PTPRK: variants seen among roughly 807,000 people sequenced by gnomAD.
The protein encoded by PTPRK is receptor-type tyrosine-protein phosphatase kappa.
A neutral mutation model predicts 178.0 loss-of-function variants in PTPRK; 75 were observed. That is an observed-to-expected ratio of 0.42 (90% CI 0.35 to 0.51). PTPRK has a LOEUF of 0.51. PTPRK is among the 20% of genes least tolerant of loss of function. PTPRK has a pLI of 0.02. For synonymous variants in PTPRK, 637 were observed against 620.6 expected (o/e 1.03, Z -0.39); for missense variants, 1,441 against 1,797.8 (o/e 0.80, Z 3.59).
intron 3 of PTPRK, among the ~76,000 whole-genome samples, chr6:128,299,085 C>T (rs1002261474): frequency 6.6e-6 from 1 of 152,072 alleles, no homozygotes; most frequent in African/African-American, 2.4e-5. Flanking sequence ...AACAGACAAA[C>T]AGAGAGCCAA....
intron 6 of PTPRK, among the ~76,000 whole-genome samples, chr6:128,197,209 ATTTAC>A (rs1233002724): frequency 2.0e-5 from 3 of 150,574 alleles, no homozygotes; most frequent in African/African-American, 4.9e-5. Context: ...GGCTTAAAAA[ATTTAC>A]TTTAAGTTCA....
intron 7 of PTPRK, among the ~76,000 whole-genome samples, chr6:128,161,564 G>A (rs1049939379): frequency 2.6e-5 from 4 of 151,524 alleles, no homozygotes; most frequent in Non-Finnish European, 4.4e-5. Flanking sequence ...CAAGCCAATT[G>A]CTTCTATTTC....
intron 2 of PTPRK, among the ~76,000 whole-genome samples, chr6:128,360,288 T>A (rs967180297): frequency 3.9e-5 from 6 of 151,990 alleles, no homozygotes; most frequent in African/African-American, 1.4e-4. Context: ...GCCAGAGTAC[T>A]AAAACCTTGA....
chr6:128,464,650 T>TATATATATAC (rs1554271905), intron 1 of PTPRK, among the ~76,000 whole-genome samples: 2 of 96,296 alleles, frequency 2.1e-5, no homozygotes, highest in Non-Finnish European at 2.0e-5. Context: ...TATATATATA[T>TATATATATAC]ATATATATAT....
intron 13 of PTPRK, among the ~76,000 whole-genome samples, chr6:128,046,695 C>T (rs1285436429): frequency 2.0e-5 from 3 of 151,914 alleles, no homozygotes; most frequent in Non-Finnish European, 4.4e-5. Flanking sequence ...TTTTTAAACC[C>T]TTGCTTTTAA....
chr6:128,384,352 C>G (rs1372902993), intron 2 of PTPRK, among the ~76,000 whole-genome samples: 3 of 151,734 alleles, frequency 2.0e-5, no homozygotes, highest in African/African-American at 7.2e-5. Context: ...ATAGAGATAT[C>G]TCGCAATACA....
At chr6:128,420,058 C>G (rs1198693567) in intron 1 of PTPRK, among the ~76,000 whole-genome samples, 1 of 152,146 alleles carries the variant, frequency 6.6e-6, no homozygotes, top group African/African-American at 2.4e-5. Flanking sequence ...TGTATAAGAT[C>G]TACTATATTG....
intron 7 of PTPRK, among the ~76,000 whole-genome samples, chr6:128,107,496 G>A (rs1030811516): frequency 2.6e-5 from 4 of 152,138 alleles, no homozygotes; most frequent in Admixed American, 2.6e-4. Flanking sequence ...GCCCAAAGCT[G>A]TATAATGTAA....
chr6:128,184,686 A>T lies in PTPRK; in HGVS notation c.908T>A (p.Val303Asp). 6.2e-7 allele frequency: 1 copy of T among 1,614,020 alleles called. No individual in the cohort carries two copies. Among genetic ancestry groups the T allele is most frequent in the Non-Finnish European group, 8.5e-7 (1 of 1,179,960 alleles). Residue 303 changes from valine to aspartate, a missense_variant, in exon 7 of 30, where the codon GTT becomes GAT. By Grantham distance (152) the Val-to-Asp change is radical (BLOSUM62 -3). Transcript: ENST00000368226. The part of the protein sequence containing the change: ...RPIAPPQLLG[V>D]GPTYLLIQLN... ...TTGGATCAGCAAATATGTAGGCCCAACACCAAGAAGCTGAGGAGGAGCAAT... is the reference window on the plus strand; with the variant it reads ...TTGGATCAGCAAATATGTAGGCCCATCACCAAGAAGCTGAGGAGGAGCAAT...
intron 14 of PTPRK, 87 bp downstream of exon 14, chr6:128,009,043 T>A (rs1350352658): frequency 7.9e-7 from 1 of 1,265,756 alleles, no homozygotes; most frequent in African/African-American, 1.5e-5. Flanking sequence ...TTGTTTGTTC[T>A]AATTTAAAGG....
At chr6:128,471,370 G>A (rs1008963871) in intron 1 of PTPRK, among the ~76,000 whole-genome samples, 3 of 151,610 alleles carry the variant, frequency 2.0e-5, no homozygotes, top group Non-Finnish European at 4.4e-5. Context: ...TGAATGGGGG[G>A]GAAAAGTGAA....
At chr6:128,175,427 G>T (rs563990114) in intron 7 of PTPRK, among the ~76,000 whole-genome samples, 2 of 151,818 alleles carry the variant, frequency 1.3e-5, no homozygotes, top group South Asian at 4.2e-4. Context: ...CTTTTACAAT[G>T]GCCAATAGCG....
intron 13 of PTPRK, among the ~76,000 whole-genome samples, chr6:128,031,168 A>G (rs999705234): frequency 6.6e-6 from 1 of 152,204 alleles, no homozygotes; most frequent in African/African-American, 2.4e-5. Context: ...ACAGCCTTGA[A>G]TGCTCTGACT....
chr6:128,104,127 T>C (rs188888752), intron 7 of PTPRK, among the ~76,000 whole-genome samples: 7 of 152,382 alleles, frequency 4.6e-5, no homozygotes, highest in Admixed American at 1.3e-4. Flanking sequence ...ACCTTCTTAA[T>C]GAAGCTTTCC....
At chr6:128,470,753 T>C (rs1053118650) in intron 1 of PTPRK, among the ~76,000 whole-genome samples, 2 of 148,426 alleles carry the variant, frequency 1.3e-5, no homozygotes, top group Non-Finnish European at 3.0e-5. Flanking sequence ...CTCTCTCTTT[T>C]TTTTTTTTTT....
chr6:128,356,797 G>A (rs1224074450), intron 2 of PTPRK, among the ~76,000 whole-genome samples: 2 of 152,020 alleles, frequency 1.3e-5, no homozygotes, highest in East Asian at 3.8e-4. Flanking sequence ...GAACAATAGG[G>A]GTCTGGAACT....
At chr6:128,016,386 G>T (rs1345710240) in intron 13 of PTPRK, among the ~76,000 whole-genome samples, 1 of 151,808 alleles carries the variant, frequency 6.6e-6, no homozygotes, top group Non-Finnish European at 1.5e-5. Context: ...TCTTCTATGT[G>T]TCCCTTATCT....
intron 1 of PTPRK, among the ~76,000 whole-genome samples, chr6:128,472,977 T>C (rs112418019): frequency 0.048 from 7,337 of 152,174 alleles, 461 homozygotes; most frequent in African/African-American, 0.14. Context: ...TATGTATTTC[T>C]TCTTTTATTT....
intron 1 of PTPRK, among the ~76,000 whole-genome samples, chr6:128,404,175 G>C (rs149381967): frequency 1.3e-5 from 2 of 152,126 alleles, no homozygotes; most frequent in African/African-American, 4.8e-5. Flanking sequence ...GAGGAGTAGC[G>C]GTGAGCCACA....
Sources: gnomAD v4.1 joint callset for allele counts (sites outside exome capture counted in the v4.1 genomes callset) on GRCh38, gnomAD v4.1.1 for gene constraint, MANE v1.5 for transcripts, NCBI Gene and HGNC (gene_info 2026-07-23, HGNC 2026-07-21) for gene names.